The following DPP10 variants were observed in gnomAD, a reference collection of about 807,000 sequenced individuals.
DPP10 encodes the protein dipeptidyl peptidase like 10.
Under a neutral mutation model 120.9 loss-of-function variants are expected in DPP10, and 33 were observed. That is an observed-to-expected ratio of 0.27 (90% CI 0.21 to 0.37). The LOEUF is 0.37. Among genes scored for constraint, DPP10 ranks in the 10% least tolerant of loss-of-function variants. The pLI is 1.00. For synonymous variants in DPP10, 337 were observed against 326.1 expected (o/e 1.03, Z -0.36); for missense variants, 816 against 942.8 (o/e 0.87, Z 1.76).
At chr2:115,678,749 ACT>A in intron 5 of DPP10, among the ~76,000 whole-genome samples, 1 of 152,214 alleles carries the variant, frequency 6.6e-6, no homozygotes, top group Non-Finnish European at 1.5e-5. Context: ...AGCTGCAGGC[ACT>A]CAACACCAGC....
intron 1 of DPP10, among the ~76,000 whole-genome samples, chr2:115,078,462 A>G (rs1031388569): frequency 6.6e-6 from 1 of 152,216 alleles, no homozygotes; most frequent in African/African-American, 2.4e-5. Flanking sequence ...TCATCACATC[A>G]GTGGTTCCAT....
rs1198456263 is a variant in DPP10, at chr2:115,728,030, A to G, written c.697+94A>G. 8 of 1,382,330 alleles carry G rather than the reference A, an allele frequency of 5.8e-6. No individual in the cohort carries two copies. In the South Asian group the frequency reaches 6.7e-5, roughly 12 times the overall value. 85.6% of individuals were successfully genotyped at this position (1,382,330 alleles called of 1,614,324 possible). On this transcript the variant is annotated intron_variant, in intron 8 of 25. Coordinates refer to ENST00000410059, the MANE Select transcript of DPP10 (RefSeq NM_020868.6). Reference sequence around the variant, plus strand: ...ATCTATTCATTCCGGAGCAATACTTACAGTACAGTTTCTTCTCATTTTCTC... The same window carrying G: ...ATCTATTCATTCCGGAGCAATACTTGCAGTACAGTTTCTTCTCATTTTCTC...
intron 1 of DPP10, among the ~76,000 whole-genome samples, chr2:114,943,936 T>G (rs1697162152): frequency 6.6e-6 from 1 of 152,218 alleles, no homozygotes; most frequent in Non-Finnish European, 1.5e-5. Context: ...GTTGTTATTA[T>G]CCGACTTTCA....
chr2:115,610,701 T>G (rs2084037687), intron 5 of DPP10, among the ~76,000 whole-genome samples: 1 of 152,202 alleles, frequency 6.6e-6, no homozygotes, highest in Non-Finnish European at 1.5e-5. Context: ...TACTTTGTTA[T>G]TATTGTAAGA....
intron 1 of DPP10, among the ~76,000 whole-genome samples, chr2:115,253,475 G>C (rs1300504739): frequency 1.3e-5 from 2 of 152,098 alleles, no homozygotes; most frequent in Non-Finnish European, 2.9e-5. Flanking sequence ...TCTGAGACAA[G>C]GTGAGTCCCT....
At chr2:115,835,533 C>A (rs1044264351) in intron 21 of DPP10, among the ~76,000 whole-genome samples, 3 of 152,132 alleles carry the variant, frequency 2.0e-5, no homozygotes, top group Non-Finnish European at 4.4e-5. Flanking sequence ...AGGGAAACTT[C>A]CAGCCTTGTT....
intron 1 of DPP10, among the ~76,000 whole-genome samples, chr2:115,280,786 C>T (rs2060127540): frequency 6.6e-6 from 1 of 152,090 alleles, no homozygotes; most frequent in Non-Finnish European, 1.5e-5. Flanking sequence ...TCTCAGTTAC[C>T]TAAGAAGGGT....
intron 1 of DPP10, among the ~76,000 whole-genome samples, chr2:114,548,753 T>C (rs1031354559): frequency 6.6e-6 from 1 of 152,016 alleles, no homozygotes; most frequent in African/African-American, 2.4e-5. Context: ...ACAGGTAGAG[T>C]GAAATGACAT....
chr2:115,476,575 G>A (rs995196660), intron 3 of DPP10, among the ~76,000 whole-genome samples: 3 of 152,082 alleles, frequency 2.0e-5, no homozygotes, highest in African/African-American at 7.2e-5. Flanking sequence ...TATTTAAATA[G>A]CCAGATATTG....
At chr2:114,727,000 G>A (rs1377697270) in intron 1 of DPP10, among the ~76,000 whole-genome samples, 1 of 152,152 alleles carries the variant, frequency 6.6e-6, no homozygotes, top group Non-Finnish European at 1.5e-5. Flanking sequence ...GGCTTTCTAG[G>A]TTTTCCACCT....
intron 1 of DPP10, among the ~76,000 whole-genome samples, chr2:114,506,660 A>T (rs1325747458): frequency 1.3e-5 from 2 of 152,088 alleles, no homozygotes; most frequent in Non-Finnish European, 2.9e-5. Context: ...GCACCCAAAA[A>T]CACTCATCCT....
chr2:114,679,149 T>A lies in DPP10; in HGVS notation c.60+236311T>A, dbSNP rs544553891. 9.4e-4 allele frequency among the ~76,000 whole-genome samples: 143 copies of A among 152,158 alleles called. 1 individual carries two copies. Among genetic ancestry groups the A allele is most frequent in the African/African-American group, 3.3e-3 (137 of 41,564 alleles). On this transcript the variant is annotated intron_variant, in intron 1 of 25. Coordinates refer to ENST00000410059, the MANE Select transcript of DPP10 (RefSeq NM_020868.6). ...ATGAAACTCTAATGCATGGCAGTTGTTTGAGAGGATTTTACTAGTGAACAC... is the reference window on the plus strand; with the variant it reads ...ATGAAACTCTAATGCATGGCAGTTGATTGAGAGGATTTTACTAGTGAACAC...
intron 24 of DPP10, among the ~76,000 whole-genome samples, chr2:115,838,047 T>C (rs145623234): frequency 5.5e-4 from 84 of 152,274 alleles, no homozygotes; most frequent in Middle Eastern, 3.4e-3. Context: ...TAGTTTCTAT[T>C]TGTGACAAAG....
At chr2:115,715,325 G>A (rs1310722455) in intron 7 of DPP10, among the ~76,000 whole-genome samples, 2 of 52,620 alleles carry the variant, frequency 3.8e-5, no homozygotes, top group Non-Finnish European at 6.7e-5. Context: ...GGCAACAAGA[G>A]CAAAACTCCG....
intron 5 of DPP10, among the ~76,000 whole-genome samples, chr2:115,560,260 A>G (rs1225035443): frequency 6.9e-6 from 1 of 145,648 alleles, no homozygotes; most frequent in East Asian, 2.1e-4. Flanking sequence ...AGTCCCAGCT[A>G]CTCGGGAGGC....
intron 3 of DPP10, among the ~76,000 whole-genome samples, chr2:115,432,659 TTGTG>T (rs59844767): frequency 0.21 from 28,439 of 137,570 alleles, 3,129 homozygotes; most frequent in East Asian, 0.38. Context: ...ATAGGCAATT[TTGTG>T]TGTGTGTGTG....
intron 3 of DPP10, among the ~76,000 whole-genome samples, chr2:115,349,783 A>G (rs980137161): frequency 1.4e-4 from 22 of 152,268 alleles, no homozygotes; most frequent in African/African-American, 4.8e-4. Flanking sequence ...CTAATTTGTC[A>G]TACTAGAATT....
chr2:114,810,926 C>T (rs558396078), intron 1 of DPP10, among the ~76,000 whole-genome samples: 49 of 152,230 alleles, frequency 3.2e-4, no homozygotes, highest in African/African-American at 1.1e-3. Flanking sequence ...AACACAGAGG[C>T]ACAACAGAAA....
chr2:115,153,117 G>A (rs10175409), intron 1 of DPP10, among the ~76,000 whole-genome samples: 14,184 of 152,102 alleles, frequency 0.093, 2,190 homozygotes, highest in African/African-American at 0.32. Flanking sequence ...TTGTTCCAGA[G>A]GAAGACATTA....
Sources: allele counts gnomAD v4.1 joint callset (sites outside exome capture counted in the v4.1 genomes callset), GRCh38; gene constraint gnomAD v4.1.1; transcripts MANE v1.5; gene names NCBI Gene and HGNC (gene_info 2026-07-23, HGNC 2026-07-21).